RNF169: variants seen among roughly 807,000 people sequenced by gnomAD.
RNF169 encodes ring finger protein 169.
A neutral mutation model predicts 53.9 loss-of-function variants in RNF169; 24 were observed. The ratio of observed to expected loss-of-function variants is 0.45; its 90% CI spans 0.32 to 0.63. The LOEUF is 0.63. Among genes scored for constraint, RNF169 ranks in the 20% least tolerant of loss-of-function variants. The probability of loss-of-function intolerance (pLI) is 0.04; values close to 1 mark genes in which losing one functional copy is unlikely to be tolerated. For synonymous variants in RNF169, 396 were observed against 363.5 expected (o/e 1.09, Z -1.02); for missense variants, 883 against 906.2 (o/e 0.97, Z 0.33).
At chr11:74,783,318 A>T (rs1349543444) in intron 1 of RNF169, among the ~76,000 whole-genome samples, 2 of 151,878 alleles carry the variant, frequency 1.3e-5, no homozygotes, top group African/African-American at 4.8e-5. Flanking sequence ...ATCTTCAGGG[A>T]ACTATAGCTG....
chr11:74,792,517 T>C (rs905455252), intron 2 of RNF169, among the ~76,000 whole-genome samples: 5 of 152,188 alleles, frequency 3.3e-5, no homozygotes, highest in Non-Finnish European at 7.4e-5. Flanking sequence ...TTCTCCTGCC[T>C]CAGCCTCCCA....
At chr11:74,830,569 A>T (rs978206661) in intron 4 of RNF169, 1 of 152,100 alleles carries the variant, frequency 6.6e-6, no homozygotes, top group African/African-American at 2.4e-5. Context: ...ATCCAACAAT[A>T]AAAGCCGAGG....
At chr11:74,816,120 T>C (rs1369411822) in intron 3 of RNF169, among the ~76,000 whole-genome samples, 1 of 152,206 alleles carries the variant, frequency 6.6e-6, no homozygotes, top group Non-Finnish European at 1.5e-5. Context: ...ATTGTGTCGC[T>C]GTGCCTGTCA....
At chr11:74,814,835 T>C (rs745534368) in intron 3 of RNF169, among the ~76,000 whole-genome samples, 14 of 152,224 alleles carry the variant, frequency 9.2e-5, no homozygotes, top group Non-Finnish European at 1.8e-4. Flanking sequence ...GTCTCATTTT[T>C]TTCTTATTAG....
At chr11:74,784,074 G>T (rs781175627) in intron 1 of RNF169, among the ~76,000 whole-genome samples, 12 of 151,974 alleles carry the variant, frequency 7.9e-5, no homozygotes, top group Non-Finnish European at 1.5e-4. Context: ...ATTTCACAAG[G>T]CTTCAAATAA....
At chr11:74,787,263 C>T (rs1207269905) in intron 1 of RNF169, among the ~76,000 whole-genome samples, 4 of 151,976 alleles carry the variant, frequency 2.6e-5, no homozygotes, top group Non-Finnish European at 5.9e-5. Flanking sequence ...ATTGATACAC[C>T]GGGAAGAGTA....
chr11:74,825,403 G>T (rs1324907069), intron 4 of RNF169, among the ~76,000 whole-genome samples: 2 of 152,076 alleles, frequency 1.3e-5, no homozygotes, highest in Non-Finnish European at 2.9e-5. Flanking sequence ...TGAGAGGAAT[G>T]AAAATAAAAA....
At chr11:74,796,393 C>G (rs1443133694) in intron 2 of RNF169, among the ~76,000 whole-genome samples, 1 of 152,096 alleles carries the variant, frequency 6.6e-6, no homozygotes, top group Admixed American at 6.5e-5. Context: ...TGAAAAAATT[C>G]TAGGAAGATA....
Position 74,749,092 on chromosome 11 carries a change from G to C in RNF169, c.212G>C (p.Cys71Ser), listed in dbSNP as rs2034840833. The change falls in exon 1 of 6, where the codon TGC becomes TCC. Residue 71 changes from cysteine to serine, a missense_variant. Coordinates refer to ENST00000299563, the MANE Select transcript of RNF169 (RefSeq NM_001098638.2). Reference sequence around the variant, plus strand: ...CCGGAGGAATCGGGCTGCGCCGGGTGCCTGGAGCCCCCCGGAGAAGCAGCG... The same window carrying C: ...CCGGAGGAATCGGGCTGCGCCGGGTCCCTGGAGCCCCCCGGAGAAGCAGCG... Reference protein sequence around the residue: ...PRPEESGCAGCLEPPGEAAAL... With the variant: ...PRPEESGCAGSLEPPGEAAAL... The C allele has an allele frequency of 1.4e-6, 2 of 1,438,848 alleles. No homozygotes were observed. Among genetic ancestry groups the C allele is most frequent in the South Asian group, 2.7e-5 (2 of 73,194 alleles). 89.1% of individuals were successfully genotyped at this position (1,438,848 alleles called of 1,614,324 possible).
At chr11:74,771,811 G>A (rs911895935) in intron 1 of RNF169, among the ~76,000 whole-genome samples, 2 of 151,858 alleles carry the variant, frequency 1.3e-5, no homozygotes, top group African/African-American at 4.8e-5. Context: ...CCAATACTTT[G>A]GGAGGCCGAG....
In RNF169 at chr11:74,803,092, C is replaced by CT. The variant is rs1209310960; in HGVS notation, c.577-7079dup. ...CCCACCACCATGCCAGGCTAATTTT[C>CT]TTTTTTTTTTTTTGAGATAGAGTCT... On this transcript the variant is annotated intron_variant, in intron 2 of 5. Coordinates refer to ENST00000299563, the MANE Select transcript of RNF169 (RefSeq NM_001098638.2). Among the ~76,000 whole-genome samples the CT allele has an allele frequency of 3.9e-3, 513 of 131,672 alleles. 3 individuals are homozygous for CT. The highest frequency in any genetic ancestry group is 9.6e-3 in the African/African-American group (336 of 35,034). The allele number at this position is 131,672 out of a possible 152,430, so 86.4% of individuals were successfully genotyped here.
At chr11:74,791,032 G>T (rs972389443) in intron 2 of RNF169, among the ~76,000 whole-genome samples, 2 of 152,240 alleles carry the variant, frequency 1.3e-5, no homozygotes, top group Non-Finnish European at 2.9e-5. Flanking sequence ...AAAGAGGTAC[G>T]TGGACAACTG....
At chr11:74,765,388 A>G (rs1189658333) in intron 1 of RNF169, among the ~76,000 whole-genome samples, 1 of 152,268 alleles carries the variant, frequency 6.6e-6, no homozygotes, top group Non-Finnish European at 1.5e-5. Flanking sequence ...AAAGATATAT[A>G]AGATATCTTA....
chr11:74,829,320 A>G (rs1294651760), intron 4 of RNF169, among the ~76,000 whole-genome samples: 6 of 152,250 alleles, frequency 3.9e-5, no homozygotes, highest in Non-Finnish European at 5.9e-5. Flanking sequence ...CAGAATGGCT[A>G]TTATTAAAAA....
In RNF169 at chr11:74,800,026, T is replaced by C. The variant is rs533028931; in HGVS notation, c.577-10158T>C. Among the ~76,000 whole-genome samples, 7 of 151,308 alleles carry C rather than the reference T, an allele frequency of 4.6e-5. No homozygotes were observed. The South Asian group carries it at 1.5e-3, about 32-fold the overall frequency. On this transcript the variant is annotated intron_variant, in intron 2 of 5. Coordinates refer to ENST00000299563, the MANE Select transcript of RNF169 (RefSeq NM_001098638.2). ...GATCTATGTCAACATTTTTAATGGC[T>C]ATATAGAATTATAGAAAATATTGTA...
intron 1 of RNF169, among the ~76,000 whole-genome samples, chr11:74,774,842 G>A (rs1462002599): frequency 7.2e-5 from 11 of 151,968 alleles, no homozygotes; most frequent in Admixed American, 6.6e-4. Flanking sequence ...GCCTGTAATC[G>A]TAGCTACTTG....
At chr11:74,826,929 A>G (rs1266240670) in intron 4 of RNF169, among the ~76,000 whole-genome samples, 2 of 152,236 alleles carry the variant, frequency 1.3e-5, no homozygotes, top group East Asian at 1.9e-4. Flanking sequence ...TTGAGTGTCT[A>G]TGGCTTTTTT....
intron 1 of RNF169, among the ~76,000 whole-genome samples, chr11:74,765,900 GA>G (rs2035167207): frequency 1.3e-5 from 2 of 150,584 alleles, no homozygotes. Flanking sequence ...AACCCCAAAA[GA>G]AGTAGAAGAT....
At chr11:74,824,295 A>C (rs1354990804) in intron 4 of RNF169, among the ~76,000 whole-genome samples, 2 of 152,210 alleles carry the variant, frequency 1.3e-5, no homozygotes, top group Non-Finnish European at 2.9e-5. Context: ...GCTAATTTGA[A>C]TATAGGTCAA....
Sources: allele counts gnomAD v4.1 joint callset (sites outside exome capture counted in the v4.1 genomes callset), GRCh38; gene constraint gnomAD v4.1.1; transcripts MANE v1.5; gene names NCBI Gene and HGNC (gene_info 2026-07-23, HGNC 2026-07-21).